DNAH14: variants seen among roughly 807,000 people sequenced by gnomAD.
The protein encoded by DNAH14 is axonemal beta dynein heavy chain 14.
DNAH14 carries 478 observed loss-of-function variants against 520.9 expected under a neutral mutation model. The observed-to-expected ratio is 0.92, with a 90% CI of 0.85 to 0.99. The LOEUF (loss-of-function observed/expected upper bound fraction) is 0.99, where lower values mean the gene tolerates loss of function less well. Ranked by LOEUF, DNAH14 falls within the 50% of genes least tolerant of loss-of-function variation. The pLI is 0.00. For missense variants in DNAH14, 4,831 were observed against 5,234.5 expected (o/e 0.92, Z 2.38); for synonymous variants, 1,581 against 1,757.2 (o/e 0.90, Z 2.51).
At chr1:225,332,800 A>G (rs1384835195) in intron 65 of DNAH14, among the ~76,000 whole-genome samples, 4 of 148,776 alleles carry the variant, frequency 2.7e-5, no homozygotes, top group African/African-American at 7.5e-5. Context: ...TTTAAGACCA[A>G]CCGGGCAATG....
intron 21 of DNAH14, among the ~76,000 whole-genome samples, chr1:225,093,498 C>T (rs1277116329): frequency 6.6e-6 from 1 of 151,974 alleles, no homozygotes; most frequent in Non-Finnish European, 1.5e-5. Context: ...TGATAAAAGC[C>T]ATATATGACA....
chr1:225,261,365 A>C (rs1451815147), intron 46 of DNAH14, among the ~76,000 whole-genome samples: 1 of 152,142 alleles, frequency 6.6e-6, no homozygotes, highest in African/African-American at 2.4e-5. Flanking sequence ...CAATTTTGTC[A>C]AATGCTTCGT....
chr1:225,291,793 T>G (rs1043108043), intron 55 of DNAH14, among the ~76,000 whole-genome samples: 5 of 152,198 alleles, frequency 3.3e-5, no homozygotes, highest in Non-Finnish European at 5.9e-5. Context: ...TGATAGCTTA[T>G]CATGGTTTTG....
chr1:224,945,296 G>T (rs537266710), intron 1 of DNAH14, among the ~76,000 whole-genome samples: 1 of 152,190 alleles, frequency 6.6e-6, no homozygotes, highest in East Asian at 1.9e-4. Flanking sequence ...GGCTACTGAG[G>T]CTTGTGCATT....
At chr1:225,346,722 G>T in intron 71 of DNAH14, 68 bp downstream of exon 71, 2 of 1,262,712 alleles carry the variant, frequency 1.6e-6, no homozygotes, top group Non-Finnish European at 2.2e-6. Flanking sequence ...CCTCTAAGGT[G>T]CTCCAAGTCA....
At chr1:224,974,444 A>G (rs963312738) in intron 8 of DNAH14, among the ~76,000 whole-genome samples, 1 of 152,234 alleles carries the variant, frequency 6.6e-6, no homozygotes, top group African/African-American at 2.4e-5. Context: ...TAAAGTAGAC[A>G]ACAGTAATCT....
chr1:225,222,096 T>C (rs2090096478), intron 41 of DNAH14, among the ~76,000 whole-genome samples: 1 of 152,190 alleles, frequency 6.6e-6, no homozygotes, highest in Non-Finnish European at 1.5e-5. Flanking sequence ...CTTTCATCTG[T>C]CACTCAGCCA....
Position 225,192,914 on chromosome 1 carries a change from A to C in DNAH14, c.5886+3A>C. On this transcript the variant is annotated splice_donor_region_variant and intron_variant, in intron 38 of 85. Transcript: ENST00000682510. ...CAAGAATCTCAGATTTATCCAATGT[A>C]AGTTTAGTATTGAATGAATGTTTTT... is the stretch of plus-strand genomic sequence containing the variant. The C allele has an allele frequency of 1.3e-6, 2 of 1,538,592 alleles. No homozygotes were observed. Among genetic ancestry groups the C allele is most frequent in the Non-Finnish European group, 1.8e-6 (2 of 1,137,094 alleles).
intron 77 of DNAH14, among the ~76,000 whole-genome samples, chr1:225,370,149 G>A (rs1028220259): frequency 6.6e-6 from 1 of 152,120 alleles, no homozygotes; most frequent in Non-Finnish European, 1.5e-5. Context: ...TTAGCCTGGC[G>A]TGGTGGCACA....
intron 79 of DNAH14, 115 bp downstream of exon 79, chr1:225,377,551 G>A: frequency 9.7e-7 from 1 of 1,031,490 alleles, no homozygotes. Context: ...CTTGAGCTCA[G>A]GAGTTCGAGA....
chr1:225,203,212 C>A (rs1387143178), intron 38 of DNAH14, among the ~76,000 whole-genome samples: 1 of 152,174 alleles, frequency 6.6e-6, no homozygotes, highest in Non-Finnish European at 1.5e-5. Flanking sequence ...GCAATCTAGT[C>A]CTGCCTCCAT....
At position 225,295,738 on chromosome 1, in the gene DNAH14, A is replaced by G. The variant is rs572828485; in HGVS notation, c.8470-5131A>G. Among the ~76,000 whole-genome samples, 4 of 152,328 alleles carry G rather than the reference A, an allele frequency of 2.6e-5. No individual in the cohort carries two copies. The South Asian group carries it at 6.2e-4, about 24-fold the overall frequency. ...GTGTATTCTGTTGCTGTTGAGTGAA[A>G]TGTTCTTTAAGTGTCTGTTAGGTCC... On this transcript the variant is annotated intron_variant, in intron 55 of 85. Transcript: ENST00000682510.
chr1:224,960,036 A>G (rs1411483834), intron 3 of DNAH14, 117 bp from the exon 4 acceptor site: 4 of 1,002,600 alleles, frequency 4.0e-6, no homozygotes, highest in African/African-American at 3.4e-5. Flanking sequence ...TGTGCTCTTA[A>G]CTACCATGCT....
At chr1:225,154,021 A>C (rs1309765546) in intron 34 of DNAH14, among the ~76,000 whole-genome samples, 195 bp downstream of exon 34, 3 of 152,012 alleles carry the variant, frequency 2.0e-5, no homozygotes, top group Non-Finnish European at 4.4e-5. Flanking sequence ...CTTTTCCCCA[A>C]TAGAGAGCCT....
chr1:225,024,171 C>G, intron 11 of DNAH14: 1 of 988,586 alleles, frequency 1.0e-6, no homozygotes, highest in Non-Finnish European at 1.2e-6. Context: ...GATAATTTAG[C>G]AAATATATTT....
In DNAH14 at chr1:225,370,649, G is replaced by T. The variant is rs4576637; in HGVS notation, c.12318+2617G>T. Among the ~76,000 whole-genome samples the T allele has an allele frequency of 1.6e-4, 25 of 151,818 alleles. 1 individual carries two copies. The highest frequency in any genetic ancestry group is 1.5e-3 in the East Asian group (8 of 5,192). On this transcript the variant is annotated intron_variant, in intron 77 of 85. Coordinates refer to ENST00000682510, the MANE Select transcript of DNAH14 (RefSeq NM_001367479.1). ...AAAAGACTGGCCTTAAATGTCTCCA[G>T]TATTAAAGAAAACATACAGGAAATA... is the stretch of plus-strand genomic sequence containing the variant.
At position 225,324,840 on chromosome 1, in the gene DNAH14, A is replaced by G; in HGVS notation, c.9723+8A>G. 1 of 1,548,286 alleles carries G rather than the reference A, an allele frequency of 6.5e-7. No individual in the cohort carries two copies. On this transcript the variant is annotated splice_region_variant and intron_variant, in intron 64 of 85. Transcript: ENST00000682510. ...CAAAGAGGTTTACAGCTGGTAAGAA[A>G]TACAGTTCAGTTCTCAAAATAAGAC...
At position 224,934,827 on chromosome 1, in the gene DNAH14, T is replaced by C. The variant is rs575496655; in HGVS notation, c.-34+4992T>C. Among the ~76,000 whole-genome samples, 4 of 151,974 alleles carry C rather than the reference T, an allele frequency of 2.6e-5. No individual in the cohort carries two copies. The East Asian group carries it at 7.7e-4, about 29-fold the overall frequency. ...GGAAACCCCATTAGACTACTATAGA[T>C]TTCTCTGCAGAAACCTTACAGGCTA... On this transcript the variant is annotated intron_variant, in intron 1 of 85. Transcript: ENST00000682510.
chr1:225,278,598 T>G (rs1319970630), intron 54 of DNAH14, among the ~76,000 whole-genome samples: 17 of 152,228 alleles, frequency 1.1e-4, no homozygotes, highest in Admixed American at 1.1e-3. Flanking sequence ...AATTTTTCAT[T>G]TATAATCATC....
Sources: gnomAD v4.1 joint callset for allele counts (sites outside exome capture counted in the v4.1 genomes callset) on GRCh38, gnomAD v4.1.1 for gene constraint, MANE v1.5 for transcripts, NCBI Gene and HGNC (gene_info 2026-07-23, HGNC 2026-07-21) for gene names.